The following MADCAM1 variants were observed in gnomAD, a reference collection of about 807,000 sequenced individuals.
The protein encoded by MADCAM1 is mucosal vascular addressin cell adhesion molecule 1.
In MADCAM1, 19 loss-of-function variants were observed where a neutral mutation model predicts 26.1. The observed-to-expected ratio is 0.73, with a 90% CI of 0.51 to 1.07. The LOEUF (loss-of-function observed/expected upper bound fraction) is 1.07, where lower values mean the gene tolerates loss of function less well. MADCAM1 is among the 50% of genes least tolerant of loss of function. The pLI, the probability that MADCAM1 is intolerant of heterozygous loss-of-function variation, is 0.00. For missense variants in MADCAM1, 514 were observed against 542.1 expected (o/e 0.95, Z 0.51); for synonymous variants, 268 against 260.9 (o/e 1.03, Z -0.26).
Position 501,567 on chromosome 19 carries a change from A to C in MADCAM1, c.668-102A>C, listed in dbSNP as rs868548085. 5 of 1,161,568 alleles carry C rather than the reference A, an allele frequency of 4.3e-6. No individual in the cohort carries two copies. In the South Asian group the frequency reaches 8.8e-5, roughly 20 times the overall value. 72.0% of individuals were successfully genotyped at this position (1,161,568 alleles called of 1,614,324 possible). ...AGAGTGGTCCAGGGAAGGGGCTTGG[A>C]GGGGTTCTGGTCCAAGCCCTTCATC... On this transcript the variant is annotated intron_variant, in intron 3 of 4. Coordinates refer to ENST00000215637, the MANE Select transcript of MADCAM1 (RefSeq NM_130760.3).
Position 497,827 on chromosome 19 carries a change from C to T in MADCAM1, c.53-6C>T, listed in dbSNP as rs1978292663. ...CGGGGCTGAGCGAGAGCCGCGGTCG[C>T]CGCAGGCCAGTCCCTCCAGGTGAAG... On this transcript the variant is annotated splice_polypyrimidine_tract_variant and splice_region_variant and intron_variant, in intron 1 of 4. Transcript: ENST00000215637. 5 of 1,290,474 alleles carry T rather than the reference C, an allele frequency of 3.9e-6. No individual in the cohort carries two copies. The East Asian group carries it at 1.6e-4, about 41-fold the overall frequency. 79.9% of individuals were successfully genotyped at this position (1,290,474 alleles called of 1,614,324 possible). A position where few individuals can be genotyped will look rare whatever the true frequency, so the allele number is the denominator to read the frequency against.
Position 498,640 on chromosome 19 carries a change from C to T in MADCAM1, c.482C>T (p.Ala161Val). 1 of 1,465,866 alleles carries T rather than the reference C, an allele frequency of 6.8e-7. No homozygotes were observed. The highest frequency in any genetic ancestry group is 9.0e-7 in the Non-Finnish European group (1 of 1,114,484). 90.8% of individuals were successfully genotyped at this position (1,465,866 alleles called of 1,614,324 possible). ...GTCGGGGGCCAGGAACTGGAGGGGG[C>T]GCAAGCCCTGGGCCCGGAGGTGCAG... ...LLVGGQELEG[A>V]QALGPEVQEE... Residue 161 changes from alanine to valine, a missense_variant, in exon 3 of 5, where the codon GCG (alanine) becomes GTG (valine). Coordinates refer to ENST00000215637, the MANE Select transcript of MADCAM1 (RefSeq NM_130760.3).
chr19:497,935 C>T lies in MADCAM1; in HGVS notation c.155C>T (p.Ala52Val). 4 of 1,422,116 alleles carry T rather than the reference C, an allele frequency of 2.8e-6. No individual in the cohort carries two copies. Among genetic ancestry groups the T allele is most frequent in the Non-Finnish European group, 3.7e-6 (4 of 1,094,590 alleles). The allele number at this position is 1,422,116 out of a possible 1,614,324, so 88.1% of individuals were successfully genotyped here. ...CAGCTCACCTGCCGCCTGGCCTGCG[C>T]GGACCGCGGGGCCTCGGTGCAGTGG... ...SRQLTCRLAC[A>V]DRGASVQWRG... is the part of the protein sequence containing the mutation. Residue 52 changes from alanine to valine, a missense_variant, in exon 2 of 5, where the codon GCG becomes GTG. By Grantham distance (64) the Ala-to-Val change is moderately conservative. This residue lies in a region of MADCAM1 where 317 missense variants were observed against 313.6 expected (regional missense o/e 1.01). Transcript: ENST00000215637.
intron 4 of MADCAM1, 27 bp downstream of exon 4, chr19:501,956 A>G: frequency 3.5e-6 from 2 of 579,212 alleles, no homozygotes; most frequent in African/African-American, 2.0e-5. Context: ...GGGGGCAGGG[A>G]GGGTGGGAAG....
intron 4 of MADCAM1, among the ~76,000 whole-genome samples, chr19:503,733 C>T (rs1978475028): frequency 6.6e-6 from 1 of 151,276 alleles, no homozygotes; most frequent in African/African-American, 2.4e-5. Flanking sequence ...ACCTGGGTGA[C>T]AGAGCAAGAC....
At chr19:498,910 G>T (rs1414432889) in intron 3 of MADCAM1, 85 bp downstream of exon 3, 7 of 1,307,582 alleles carry the variant, frequency 5.4e-6, no homozygotes, top group Admixed American at 2.5e-5. Context: ...TGGGGGGGCA[G>T]CACCTGTGCT....
chr19:497,430 AGAGGAGGGGCTC>A (rs1978291175), intron 1 of MADCAM1, among the ~76,000 whole-genome samples: 1 of 67,298 alleles, frequency 1.5e-5, no homozygotes, highest in Non-Finnish European at 2.9e-5. Flanking sequence ...GGCGCAGGAG[AGAGGAGGGGCTC>A]GGAGGGGGCG....
chr19:499,670 T>G, intron 3 of MADCAM1: 1 of 379,806 alleles, frequency 2.6e-6, no homozygotes, highest in East Asian at 7.3e-5. Context: ...TCTCCCACTG[T>G]GGCTCCCCAG....
At chr19:499,231 C>G (rs892850611) in intron 3 of MADCAM1, 3 of 475,416 alleles carry the variant, frequency 6.3e-6, no homozygotes, top group Non-Finnish European at 8.3e-6. Flanking sequence ...GCCCCGGGGC[C>G]TTTGCACGGC....
chr19:499,759 C>G (rs538436231), intron 3 of MADCAM1: 1 of 455,552 alleles, frequency 2.2e-6, no homozygotes, highest in East Asian at 7.0e-5. Context: ...CTCAATAAAC[C>G]CTTGCTGAAT....
chr19:501,418 G>T, intron 3 of MADCAM1: 1 of 365,866 alleles, frequency 2.7e-6, no homozygotes, highest in Non-Finnish European at 4.8e-6. Context: ...CTGAGGAGCG[G>T]AGGTTGTGGT....
At chr19:496,594 G>A (rs755728162) in intron 1 of MADCAM1, 43 bp downstream of exon 1, 10 of 1,206,692 alleles carry the variant, frequency 8.3e-6, no homozygotes, top group Non-Finnish European at 9.4e-6. Flanking sequence ...TGAGTTAGGA[G>A]GGGGCTCAGG....
At chr19:501,608 A>T (rs1978330020) in intron 3 of MADCAM1, 61 bp from the exon 4 acceptor site, 14 of 1,519,718 alleles carry the variant, frequency 9.2e-6, no homozygotes, top group Non-Finnish European at 1.2e-5. Flanking sequence ...GCGGAGATTG[A>T]GGCAGGAGAG....
rs775914533 is a variant in MADCAM1, at chr19:498,053, C to G, written c.273C>G (p.Thr91=). 1.1e-5 allele frequency: 17 copies of G among 1,480,858 alleles called. No individual in the cohort carries two copies. The South Asian group carries it at 2.2e-4, about 19-fold the overall frequency. The allele number at this position is 1,480,858 out of a possible 1,614,324, so 91.7% of individuals were successfully genotyped here. Residue 91 remains threonine (T), a synonymous_variant, in exon 2 of 5, where the codon ACC becomes ACG. Coordinates refer to ENST00000215637, the MANE Select transcript of MADCAM1 (RefSeq NM_130760.3). ...VRNASLSAAG[T]RVCVGSCGGR... Reference sequence around the variant, plus strand: ...ACGCCTCGCTGTCGGCGGCCGGGACCCGCGTGTGCGTGGGCTCCTGCGGGG... The same window carrying G: ...ACGCCTCGCTGTCGGCGGCCGGGACGCGCGTGTGCGTGGGCTCCTGCGGGG...
At chr19:497,711 G>A in intron 1 of MADCAM1, 122 bp from the exon 2 acceptor site, 1 of 813,648 alleles carries the variant, frequency 1.2e-6, no homozygotes, top group African/African-American at 1.8e-5. Flanking sequence ...CGGGGGTGCA[G>A]CGGAGGGTCC....
intron 4 of MADCAM1, among the ~76,000 whole-genome samples, chr19:504,408 C>T (rs1440551397): frequency 2.0e-5 from 3 of 151,846 alleles, no homozygotes; most frequent in African/African-American, 4.8e-5. Context: ...GGATTACAGG[C>T]GCCTGCCACC....
chr19:499,519 T>C (rs1710788715), intron 3 of MADCAM1, among the ~76,000 whole-genome samples: 1 of 151,918 alleles, frequency 6.6e-6, no homozygotes, highest in Non-Finnish European at 1.5e-5. Flanking sequence ...CCCACACGCG[T>C]GTACAAACAC....
At position 505,001 on chromosome 19, in the gene MADCAM1, T is replaced by C. The variant is rs1333065857; in HGVS notation, c.*36T>C. 2 of 1,493,974 alleles carry C rather than the reference T, an allele frequency of 1.3e-6. No homozygotes were observed. Among genetic ancestry groups the C allele is most frequent in the Non-Finnish European group, 1.8e-6 (2 of 1,101,376 alleles). The allele number at this position is 1,493,974 out of a possible 1,614,324, so 92.5% of individuals were successfully genotyped here. A position where few individuals can be genotyped will look rare whatever the true frequency, so the allele number is the denominator to read the frequency against. Reference sequence around the variant, plus strand: ...TTTCCCCCTGTGAAAGCAAAATAGCTTGGACCCCTTCAAGTTGAGAACTGG... The same window carrying C: ...TTTCCCCCTGTGAAAGCAAAATAGCCTGGACCCCTTCAAGTTGAGAACTGG... On this transcript the variant is annotated 3_prime_UTR_variant, in exon 5 of 5. Transcript: ENST00000215637.
chr19:504,255 CTTTTTT>C (rs141972615), intron 4 of MADCAM1, among the ~76,000 whole-genome samples: 2 of 88,150 alleles, frequency 2.3e-5, no homozygotes, highest in Admixed American at 1.4e-4. Context: ...CCGGTCTGCC[CTTTTTT>C]TTTTTTTTTT....
Sources: gnomAD v4.1 joint callset for allele counts (sites outside exome capture counted in the v4.1 genomes callset) on GRCh38, gnomAD v4.1.1 for gene constraint, gnomAD v4.1.1 regional missense constraint, MANE v1.5 for transcripts, NCBI Gene and HGNC (gene_info 2026-07-23, HGNC 2026-07-21) for gene names.